CCDC187: variants seen among roughly 807,000 people sequenced by gnomAD.
The protein encoded by CCDC187 is coiled-coil domain containing 187.
Under a neutral mutation model 38.0 loss-of-function variants are expected in CCDC187, and 32 were observed. That is an observed-to-expected ratio of 0.84 (90% CI 0.64 to 1.13). CCDC187 has a LOEUF of 1.13. CCDC187 is among the 50% of genes most tolerant of loss of function. CCDC187 has a pLI of 0.00. For missense variants in CCDC187, 707 were observed against 786.8 expected, an observed-to-expected ratio of 0.90 and a Z score of 1.21; for synonymous variants, 333 against 347.9, an observed-to-expected ratio of 0.96 and a Z score of 0.48.
At chr9:136,273,872 G>T (rs1423118139) in intron 14 of CCDC187, among the ~76,000 whole-genome samples, 1 of 152,268 alleles carries the variant, frequency 6.6e-6, no homozygotes, top group Non-Finnish European at 1.5e-5. Flanking sequence ...GGCCGGCTGG[G>T]AAGTCACCGC....
At chr9:136,256,151 G>T in intron 24 of CCDC187, 60 bp downstream of exon 24, 1 of 896,304 alleles carries the variant, frequency 1.1e-6, no homozygotes, top group Non-Finnish European at 1.3e-6. Flanking sequence ...AGGGGGTACC[G>T]GCTGAACCCG....
intron 9 of CCDC187, among the ~76,000 whole-genome samples, chr9:136,285,312 C>T (rs1188690669): frequency 6.6e-6 from 1 of 152,086 alleles, no homozygotes; most frequent in Non-Finnish European, 1.5e-5. Context: ...GCTTCCCTGC[C>T]CCGGCCAGCG....
intron 21 of CCDC187, 61 bp downstream of exon 21, chr9:136,259,302 G>GT (rs782618825): frequency 1.9e-6 from 1 of 539,420 alleles, no homozygotes; most frequent in African/African-American, 2.1e-5. Flanking sequence ...CAGAATGTTG[G>GT]GGGGGGGTGG....
At chr9:136,271,756 C>T (rs1287692787) in intron 14 of CCDC187, among the ~76,000 whole-genome samples, 4 of 151,506 alleles carry the variant, frequency 2.6e-5, no homozygotes, top group Admixed American at 6.6e-5. Flanking sequence ...TACAGGCACC[C>T]GCCACCGCAT....
intron 2 of CCDC187, among the ~76,000 whole-genome samples, chr9:136,302,604 G>T (rs893952555): frequency 1.3e-5 from 2 of 152,150 alleles, no homozygotes; most frequent in Non-Finnish European, 2.9e-5. Flanking sequence ...CATCTCCACC[G>T]CTCCTCTGTC....
At chr9:136,297,618 C>A in intron 4 of CCDC187, 96 bp downstream of exon 4, 1 of 394,232 alleles carries the variant, frequency 2.5e-6, no homozygotes, top group South Asian at 1.3e-4. Flanking sequence ...CTGGCCAGCC[C>A]CAGCCCCAGC....
In CCDC187 at chr9:136,258,676, G is replaced by A. The variant is rs1223929422; in HGVS notation, c.4366+256C>T. 8.1e-6 allele frequency: 8 copies of A among 984,746 alleles called. No individual in the cohort carries two copies. The highest frequency in any genetic ancestry group is 1.1e-4 in the East Asian group (1 of 8,828). 61.0% of individuals were successfully genotyped at this position (984,746 alleles called of 1,614,324 possible). On this transcript the variant is annotated intron_variant, in intron 22 of 25. Transcript: ENST00000638797. The surrounding 1 kb of genome is among the most constrained non-coding windows in gnomAD (Gnocchi z 4.3). Reference sequence around the variant, plus strand: ...ATCTGCCCCAGATGAACGAAGTTGCGACTAAAACAATCCCAGCCAGTTATG... The same window carrying A: ...ATCTGCCCCAGATGAACGAAGTTGCAACTAAAACAATCCCAGCCAGTTATG...
chr9:136,270,078 G>C (rs553764513), intron 14 of CCDC187, among the ~76,000 whole-genome samples: 8 of 152,286 alleles, frequency 5.3e-5, no homozygotes, highest in Non-Finnish European at 5.9e-5. Flanking sequence ...AGAATACAAA[G>C]AGCTTCAGTA....
intron 10 of CCDC187, among the ~76,000 whole-genome samples, chr9:136,279,075 G>A (rs1830989525): frequency 6.7e-6 from 1 of 148,286 alleles, no homozygotes; most frequent in African/African-American, 2.5e-5. Flanking sequence ...GGACAACTCT[G>A]GTCTGGGTGT....
chr9:136,283,938 G>A (rs991297326), intron 9 of CCDC187, among the ~76,000 whole-genome samples: 1 of 152,180 alleles, frequency 6.6e-6, no homozygotes, highest in African/African-American at 2.4e-5. Flanking sequence ...TCCATGGGCC[G>A]GACTGGGCCT....
intron 15 of CCDC187, 103 bp from the exon 16 acceptor site, chr9:136,267,614 A>G (rs986289410): frequency 3.0e-6 from 3 of 985,290 alleles, no homozygotes; most frequent in Non-Finnish European, 3.6e-6. Context: ...TAGCTTCTAG[A>G]CCGCTCCCAG....
chr9:136,265,194 C>T (rs544159822), intron 17 of CCDC187, among the ~76,000 whole-genome samples: 24 of 152,350 alleles, frequency 1.6e-4, no homozygotes, highest in African/African-American at 4.1e-4. Flanking sequence ...CAAGGGTCCT[C>T]GTCCTGGCTC....
intron 10 of CCDC187, among the ~76,000 whole-genome samples, chr9:136,280,339 G>A (rs1214835706): frequency 6.6e-6 from 1 of 152,214 alleles, no homozygotes; most frequent in Non-Finnish European, 1.5e-5. Flanking sequence ...TGTGTGGAAG[G>A]AAGGGGCAGG....
intron 10 of CCDC187, among the ~76,000 whole-genome samples, chr9:136,278,016 C>T (rs904859896): frequency 1.3e-5 from 2 of 152,294 alleles, no homozygotes; most frequent in South Asian, 2.1e-4. Flanking sequence ...GCAGCAGGGG[C>T]GCCTGGCCAC....
At position 136,254,038 on chromosome 9, in the gene CCDC187, G is replaced by A. The variant is rs66574646; in HGVS notation, c.5790C>T (p.Tyr1930=). Residue 1930 remains tyrosine (Y), a synonymous_variant, in exon 26 of 26, where the codon TAC becomes TAT. Coordinates refer to ENST00000638797, the MANE Select transcript of CCDC187 (RefSeq NM_001378188.1). The stretch of plus-strand genomic sequence containing the variant: ...CCGGGGTCTCGGGCTCTGGCATGAG[G>A]TACGGGAGTTTGCTCTTGGTGGATG... ...PSPSTKSKLP[Y]LMPEPETPVT... is the part of the protein sequence containing the mutation. 0.15 allele frequency: 144,356 copies of A among 984,968 alleles called. 11,164 individuals carry two copies. The highest frequency in any genetic ancestry group is 0.21 in the Admixed American group (3,464 of 16,260). 61.0% of individuals were successfully genotyped at this position (984,968 alleles called of 1,614,324 possible).
At chr9:136,289,834 C>T (rs1482070399) in intron 7 of CCDC187, 125 bp downstream of exon 7, 2 of 393,716 alleles carry the variant, frequency 5.1e-6, no homozygotes, top group Non-Finnish European at 9.0e-6. Context: ...GCAGAGCCTG[C>T]CCCACCTGAG....
intron 20 of CCDC187, among the ~76,000 whole-genome samples, chr9:136,259,873 C>T (rs1830660449): frequency 6.6e-6 from 1 of 152,198 alleles, no homozygotes; most frequent in South Asian, 2.1e-4. Flanking sequence ...GCACACCCCT[C>T]GATCTGTATC....
At position 136,257,710 on chromosome 9, in the gene CCDC187, A is replaced by G. The variant is rs1830631074; in HGVS notation, c.4367-869T>C. On this transcript the variant is annotated intron_variant, in intron 22 of 25. Transcript: ENST00000638797. The surrounding 1 kb of genome is among the most constrained non-coding windows in gnomAD (Gnocchi z 4.5). ...CTCTGAGAGCCAAGGCCACCTGGCT[A>G]AGGGAACCAGAGCTGTTTGTCTAAA... is the stretch of plus-strand genomic sequence containing the variant. Among the ~76,000 whole-genome samples, 1 of 152,182 alleles carries G rather than the reference A, an allele frequency of 6.6e-6. No individual in the cohort carries two copies. Among genetic ancestry groups the G allele is most frequent in the African/African-American group, 2.4e-5 (1 of 41,450 alleles).
At chr9:136,268,626 G>A (rs1476079088) in intron 14 of CCDC187, among the ~76,000 whole-genome samples, 2 of 152,156 alleles carry the variant, frequency 1.3e-5, no homozygotes, top group African/African-American at 2.4e-5. Flanking sequence ...ACCAAAGACA[G>A]AGCAAAAGGG....
Sources: allele counts gnomAD v4.1 joint callset (sites outside exome capture counted in the v4.1 genomes callset), GRCh38; gene constraint gnomAD v4.1.1; non-coding constraint Gnocchi (gnomAD v3.1); transcripts MANE v1.5; gene names NCBI Gene and HGNC (gene_info 2026-07-23, HGNC 2026-07-21).